The following COL22A1 variants were observed in gnomAD, a reference collection of about 807,000 sequenced individuals.
COL22A1 encodes collagen type XXII alpha 1 chain, also known as collagen alpha-1(XXII) chain.
In COL22A1, 221 loss-of-function variants were observed where a neutral mutation model predicts 248.9. The observed-to-expected ratio is 0.89, with a 90% confidence interval of 0.80 to 0.99. The LOEUF (loss-of-function observed/expected upper bound fraction) is 0.99. COL22A1 is among the 50% of genes least tolerant of loss of function. The probability of loss-of-function intolerance (pLI) is 0.00; values close to 1 mark genes in which losing one functional copy is unlikely to be tolerated. For synonymous variants in COL22A1, 891 were observed against 793.4 expected, an observed-to-expected ratio of 1.12 and a Z score of -2.07; for missense variants, 2,240 against 2,179.0, an observed-to-expected ratio of 1.03 and a Z score of -0.56.
intron 16 of COL22A1, among the ~76,000 whole-genome samples, chr8:138,772,993 G>A (rs1336833269): frequency 3.3e-5 from 5 of 152,358 alleles, no homozygotes; most frequent in South Asian, 4.1e-4. Flanking sequence ...CCGGCGCCGC[G>A]TGTGGCCTAG....
At chr8:138,827,761 C>T (rs1193200380) in intron 5 of COL22A1, among the ~76,000 whole-genome samples, 1 of 151,808 alleles carries the variant, frequency 6.6e-6, no homozygotes, top group Non-Finnish European at 1.5e-5. Context: ...CCTCTGTCCT[C>T]GGAGCACTCT....
chr8:138,690,891 G>GTT lies in COL22A1; in HGVS notation c.2755-19_2755-18dup. On this transcript the variant is annotated splice_polypyrimidine_tract_variant and intron_variant, in intron 35 of 64. Coordinates refer to ENST00000303045, the MANE Select transcript of COL22A1 (RefSeq NM_152888.3). ...GGGAGCACCCTGTTCAGAGACAGAA[G>GTT]TTTAGAAAGGCCAAACGCATTGATT... The GTT allele has an allele frequency of 6.2e-7, 1 of 1,601,638 alleles. No individual in the cohort carries two copies.
chr8:138,828,082 CTGG>C (rs904337793), intron 5 of COL22A1: 1 of 149,612 alleles, frequency 6.7e-6, no homozygotes, highest in African/African-American at 2.5e-5. Flanking sequence ...CGTGAGGTCC[CTGG>C]TGAGGAAACA....
intron 7 of COL22A1, among the ~76,000 whole-genome samples, chr8:138,820,900 G>GTGATGAATGATTGATGGAATGGTTGA (rs1819060216): frequency 6.6e-6 from 1 of 152,208 alleles, no homozygotes; most frequent in Non-Finnish European, 1.5e-5. Context: ...CAATGTATAT[G>GTGATGAATGATTGATGGAATGGTTGA]TGATGAATGA....
At chr8:138,695,841 C>A (rs557324488) in intron 32 of COL22A1, among the ~76,000 whole-genome samples, 8 of 152,062 alleles carry the variant, frequency 5.3e-5, no homozygotes, top group Non-Finnish European at 8.8e-5. Flanking sequence ...GGACAGCTTT[C>A]CAAGGGCTCA....
chr8:138,687,347 C>A (rs918730429), intron 37 of COL22A1, among the ~76,000 whole-genome samples: 1 of 152,162 alleles, frequency 6.6e-6, no homozygotes, highest in Non-Finnish European at 1.5e-5. Context: ...GCACTAAGTT[C>A]TTTTTTTCTG....
chr8:138,801,390 C>T (rs575986708), intron 11 of COL22A1, among the ~76,000 whole-genome samples: 26 of 152,220 alleles, frequency 1.7e-4, no homozygotes, highest in East Asian at 1.4e-3. Context: ...GGCATCACTA[C>T]GCATGAGGGG....
At chr8:138,613,569 C>A (rs1413673242) in intron 56 of COL22A1, among the ~76,000 whole-genome samples, 1 of 152,114 alleles carries the variant, frequency 6.6e-6, no homozygotes, top group Admixed American at 6.5e-5. Flanking sequence ...AAGCACCAAC[C>A]CCTGGTGTGG....
chr8:138,707,282 T>C (rs1828547237), intron 30 of COL22A1, among the ~76,000 whole-genome samples: 1 of 152,166 alleles, frequency 6.6e-6, no homozygotes, highest in Non-Finnish European at 1.5e-5. Context: ...CCCTAATTCA[T>C]TTTATGAGGC....
chr8:138,791,251 G>T (rs575302102), intron 12 of COL22A1, among the ~76,000 whole-genome samples: 1 of 152,156 alleles, frequency 6.6e-6, no homozygotes, highest in Non-Finnish European at 1.5e-5. Context: ...GATGCTGGGC[G>T]TGCAAGGAGG....
chr8:138,905,341 A>G (rs1009399996), intron 1 of COL22A1, among the ~76,000 whole-genome samples: 7 of 152,146 alleles, frequency 4.6e-5, no homozygotes, highest in African/African-American at 1.7e-4. Context: ...GAAACTCACT[A>G]CTTTGCAAGA....
chr8:138,850,348 A>G (rs1392282179), intron 3 of COL22A1, among the ~76,000 whole-genome samples: 2 of 152,234 alleles, frequency 1.3e-5, no homozygotes, highest in Admixed American at 1.3e-4. Context: ...GTTTCACAGG[A>G]AGTCTGTGTG....
chr8:138,706,063 G>A (rs1828410474), intron 30 of COL22A1, among the ~76,000 whole-genome samples: 1 of 152,126 alleles, frequency 6.6e-6, no homozygotes, highest in African/African-American at 2.4e-5. Flanking sequence ...ATAGTAGAGG[G>A]ATCAATTCAA....
At chr8:138,859,569 C>G (rs1822296088) in intron 3 of COL22A1, among the ~76,000 whole-genome samples, 1 of 152,170 alleles carries the variant, frequency 6.6e-6, no homozygotes, top group Non-Finnish European at 1.5e-5. Flanking sequence ...AAGGACAAAA[C>G]CAGCCACAAA....
chr8:138,855,905 C>A (rs1821971592), intron 3 of COL22A1, among the ~76,000 whole-genome samples: 1 of 152,184 alleles, frequency 6.6e-6, no homozygotes, highest in East Asian at 1.9e-4. Context: ...TTCAATCTGC[C>A]CTGGCCTTCC....
At chr8:138,601,840 C>A (rs897151937) in intron 60 of COL22A1, among the ~76,000 whole-genome samples, 1 of 152,014 alleles carries the variant, frequency 6.6e-6, no homozygotes, top group African/African-American at 2.4e-5. Flanking sequence ...CTTTGAATCT[C>A]TAATTGTGAT....
intron 41 of COL22A1, among the ~76,000 whole-genome samples, chr8:138,666,208 A>C (rs1022364711): frequency 2.0e-5 from 3 of 152,214 alleles, no homozygotes; most frequent in African/African-American, 7.2e-5. Flanking sequence ...CATTTGTCAG[A>C]ATTCTATCTC....
intron 23 of COL22A1, among the ~76,000 whole-genome samples, chr8:138,727,151 G>A (rs1453770877): frequency 6.6e-6 from 1 of 152,142 alleles, no homozygotes. Flanking sequence ...AAAGGGTAGT[G>A]CTCTTCCAAG....
At chr8:138,647,147 T>A (rs1342924121) in intron 46 of COL22A1, among the ~76,000 whole-genome samples, 1 of 152,186 alleles carries the variant, frequency 6.6e-6, no homozygotes, top group Non-Finnish European at 1.5e-5. Flanking sequence ...AAAACCAGTT[T>A]CCACGTCTTG....
Sources: gnomAD v4.1 joint callset for allele counts (sites outside exome capture counted in the v4.1 genomes callset) on GRCh38, gnomAD v4.1.1 for gene constraint, MANE v1.5 for transcripts, NCBI Gene and HGNC (gene_info 2026-07-23, HGNC 2026-07-21) for gene names.